RNF169: variants seen among roughly 807,000 people sequenced by gnomAD.
RNF169 encodes the protein ring finger protein 169.
Under a neutral mutation model 53.9 loss-of-function variants are expected in RNF169, and 24 were observed. The ratio of observed to expected loss-of-function variants is 0.45; its 90% CI spans 0.32 to 0.63. RNF169 has a LOEUF of 0.63. RNF169 is among the 20% of genes least tolerant of loss of function. RNF169 has a pLI of 0.04. For missense variants in RNF169, 883 were observed against 906.2 expected (o/e 0.97, Z 0.33); for synonymous variants, 396 against 363.5 (o/e 1.09, Z -1.02).
intron 1 of RNF169, among the ~76,000 whole-genome samples, chr11:74,768,188 T>C (rs1384865336): frequency 1.3e-5 from 2 of 152,260 alleles, no homozygotes; most frequent in East Asian, 3.8e-4. Context: ...TGCCCTCATA[T>C]ATTTAAATTT....
intron 3 of RNF169, among the ~76,000 whole-genome samples, chr11:74,815,912 GCTTAT>G (rs1376011992): frequency 6.6e-6 from 1 of 152,140 alleles, no homozygotes; most frequent in Non-Finnish European, 1.5e-5. Context: ...TGGTATCAAA[GCTTAT>G]CTTTTTTCTA....
chr11:74,754,061 A>T (rs2034942223), intron 1 of RNF169, among the ~76,000 whole-genome samples: 1 of 152,174 alleles, frequency 6.6e-6, no homozygotes, highest in Non-Finnish European at 1.5e-5. Context: ...ATATTGACAT[A>T]TTAAATATTT....
chr11:74,798,082 T>C (rs1242631496), intron 2 of RNF169, among the ~76,000 whole-genome samples: 1 of 152,192 alleles, frequency 6.6e-6, no homozygotes, highest in Non-Finnish European at 1.5e-5. Flanking sequence ...CAGGACCATG[T>C]AATAATTGCA....
At chr11:74,812,369 A>G (rs2035886611) in intron 3 of RNF169, among the ~76,000 whole-genome samples, 1 of 152,088 alleles carries the variant, frequency 6.6e-6, no homozygotes, top group African/African-American at 2.4e-5. Context: ...GTCATGGTTC[A>G]CTATAGTTTC....
At chr11:74,758,448 G>GT (rs530521350) in intron 1 of RNF169, among the ~76,000 whole-genome samples, 3,168 of 149,344 alleles carry the variant, frequency 0.021, 113 homozygotes, top group African/African-American at 0.074. Flanking sequence ...CTCCAGCTTT[G>GT]TTTTTTTGGC....
chr11:74,789,378 A>G (rs2035549585), intron 1 of RNF169, among the ~76,000 whole-genome samples: 1 of 152,232 alleles, frequency 6.6e-6, no homozygotes, highest in African/African-American at 2.4e-5. Context: ...ATGTAGATTT[A>G]TTAGTAAGTC....
intron 1 of RNF169, among the ~76,000 whole-genome samples, chr11:74,779,012 A>G (rs539169668): frequency 3.9e-5 from 6 of 152,354 alleles, no homozygotes; most frequent in Admixed American, 6.5e-5. Flanking sequence ...ATACAATTTT[A>G]GTGACTGAAT....
At chr11:74,785,789 C>T (rs1219222734) in intron 1 of RNF169, among the ~76,000 whole-genome samples, 3 of 152,106 alleles carry the variant, frequency 2.0e-5, no homozygotes, top group Admixed American at 1.3e-4. Context: ...TGCAGTCAAA[C>T]AAGCCAGAGG....
rs1435278926 is a variant in RNF169 at position 74,802,748 on chromosome 11, T to C, written c.577-7436T>C. The stretch of plus-strand genomic sequence containing the variant: ...CAGCACTAAAAAATTGCCTAACATA[T>C]AGAATCTGATGCACTGTAAATATTT... On this transcript the variant is annotated intron_variant, in intron 2 of 5. Coordinates refer to ENST00000299563, the MANE Select transcript of RNF169 (RefSeq NM_001098638.2). Among the ~76,000 whole-genome samples, 5 of 152,130 alleles carry C rather than the reference T, an allele frequency of 3.3e-5. No homozygotes were observed. In the South Asian group the frequency reaches 8.3e-4, roughly 25 times the overall value.
At chr11:74,793,918 C>A (rs1193638779) in intron 2 of RNF169, among the ~76,000 whole-genome samples, 2 of 151,990 alleles carry the variant, frequency 1.3e-5, no homozygotes, top group Non-Finnish European at 2.9e-5. Flanking sequence ...ATCTTAGACC[C>A]CTTATATGCT....
rs960549807 is a variant in RNF169 at position 74,840,290 on chromosome 11, G to A, written c.*3560G>A. 4 of 152,194 alleles carry A rather than the reference G, an allele frequency of 2.6e-5. No homozygotes were observed. The highest frequency in any genetic ancestry group is 7.2e-5 in the African/African-American group (3 of 41,446). 9.4% of individuals were successfully genotyped at this position (152,194 alleles called of 1,614,324 possible). On this transcript the variant is annotated 3_prime_UTR_variant, in exon 6 of 6. Transcript: ENST00000299563. ...ATTTGAATGTATGTGTGGCTGGAGAGTTCATTTATGGTCTTAGGAAAGCCA... is the reference window on the plus strand; with the variant it reads ...ATTTGAATGTATGTGTGGCTGGAGAATTCATTTATGGTCTTAGGAAAGCCA...
chr11:74,775,170 G>A (rs1055479422), intron 1 of RNF169, among the ~76,000 whole-genome samples: 1 of 152,098 alleles, frequency 6.6e-6, no homozygotes, highest in African/African-American at 2.4e-5. Context: ...ATAGTAGAGA[G>A]GAAGAAATTG....
At chr11:74,802,566 C>A (rs1045763532) in intron 2 of RNF169, among the ~76,000 whole-genome samples, 1 of 152,090 alleles carries the variant, frequency 6.6e-6, no homozygotes, top group Admixed American at 6.6e-5. Context: ...TGGCTTGAAC[C>A]CGAGAGGTGG....
At chr11:74,803,243 G>A (rs1406425763) in intron 2 of RNF169, among the ~76,000 whole-genome samples, 1 of 151,958 alleles carries the variant, frequency 6.6e-6, no homozygotes, top group East Asian at 1.9e-4. Flanking sequence ...CCACCACCAC[G>A]CCTGGCTAAT....
intron 4 of RNF169, among the ~76,000 whole-genome samples, chr11:74,822,797 G>A (rs1591428542): frequency 6.6e-6 from 1 of 151,520 alleles, no homozygotes; most frequent in East Asian, 1.9e-4. Context: ...AAATGTTGAT[G>A]TTTTCTTTCT....
chr11:74,756,891 G>A (rs1565168886), intron 1 of RNF169, among the ~76,000 whole-genome samples: 1 of 152,146 alleles, frequency 6.6e-6, no homozygotes, highest in Non-Finnish European at 1.5e-5. Flanking sequence ...CCATGGGAGT[G>A]TTGTAGCAAA....
At chr11:74,788,302 A>AAC (rs140848727) in intron 1 of RNF169, among the ~76,000 whole-genome samples, 36,037 of 150,130 alleles carry the variant, frequency 0.24, 4,552 homozygotes, top group South Asian at 0.39. Flanking sequence ...CATAAACATA[A>AAC]ACACACACAC....
chr11:74,793,333 G>C (rs2035605137), intron 2 of RNF169, among the ~76,000 whole-genome samples: 1 of 152,120 alleles, frequency 6.6e-6, no homozygotes, highest in Non-Finnish European at 1.5e-5. Flanking sequence ...AGCAAAGGAA[G>C]ATAAGTGGAA....
intron 1 of RNF169, among the ~76,000 whole-genome samples, chr11:74,784,287 T>C (rs1242757697): frequency 6.6e-6 from 1 of 152,232 alleles, no homozygotes; most frequent in Admixed American, 6.5e-5. Flanking sequence ...AGATTGAAAC[T>C]ATGATCTAAA....
Sources: gnomAD v4.1 joint callset for allele counts (sites outside exome capture counted in the v4.1 genomes callset) on GRCh38, gnomAD v4.1.1 for gene constraint, MANE v1.5 for transcripts, NCBI Gene and HGNC (gene_info 2026-07-23, HGNC 2026-07-21) for gene names.